Variants in MSRA observed in about 807,000 individuals in gnomAD.
MSRA encodes the protein methionine sulfoxide reductase A.
In MSRA, 54 loss-of-function variants were observed where a neutral mutation model predicts 31.3. That is an observed-to-expected ratio of 1.73 (90% CI 1.39 to 2.17). The LOEUF is 2.17. MSRA is among the 30% of genes most tolerant of loss of function. MSRA has a pLI of 0.00. For synonymous variants in MSRA, 169 were observed against 116.5 expected, an observed-to-expected ratio of 1.45 and a Z score of -2.90; for missense variants, 507 against 300.9, an observed-to-expected ratio of 1.69 and a Z score of -5.07.
intron 5 of MSRA, among the ~76,000 whole-genome samples, chr8:10,417,864 C>T (rs1048461125): frequency 1.3e-5 from 2 of 151,376 alleles, no homozygotes; most frequent in Admixed American, 6.6e-5. Flanking sequence ...AAGTGGTCTC[C>T]GTGCAGAAGG....
At chr8:10,211,650 C>A (rs1247840251) in intron 2 of MSRA, among the ~76,000 whole-genome samples, 2 of 152,136 alleles carry the variant, frequency 1.3e-5, no homozygotes, top group Non-Finnish European at 2.9e-5. Flanking sequence ...CATTGTGCTC[C>A]TTTATAGGCA....
chr8:10,056,981 G>GATT lies in MSRA; in HGVS notation c.142+2325_142+2327dup, dbSNP rs1241127220. On this transcript the variant is annotated intron_variant, in intron 1 of 5. Coordinates refer to ENST00000317173, the MANE Select transcript of MSRA (RefSeq NM_012331.5). ...ATTACCAAATACTTGAGGTGTTAAG[G>GATT]ATTACCATCTTAGCGTTCATCCTAC... Among the ~76,000 whole-genome samples the GATT allele has an allele frequency of 2.0e-5, 3 of 152,246 alleles. No homozygotes were observed. In the East Asian group the frequency reaches 5.8e-4, roughly 29 times the overall value.
At chr8:10,145,375 T>C (rs1258759403) in intron 1 of MSRA, among the ~76,000 whole-genome samples, 2 of 152,214 alleles carry the variant, frequency 1.3e-5, no homozygotes, top group Non-Finnish European at 2.9e-5. Context: ...GAAATGACCG[T>C]ATATGATTTT....
At chr8:10,136,835 G>C (rs151108919) in intron 1 of MSRA, among the ~76,000 whole-genome samples, 83 of 152,222 alleles carry the variant, frequency 5.5e-4, no homozygotes, top group African/African-American at 2.0e-3. Context: ...CCCATTCTTG[G>C]TGTGTCTTTG....
intron 2 of MSRA, among the ~76,000 whole-genome samples, chr8:10,241,902 T>A (rs1266873507): frequency 6.6e-6 from 1 of 152,196 alleles, no homozygotes; most frequent in Non-Finnish European, 1.5e-5. Context: ...TGTGAGAAAC[T>A]GAACAGGTCA....
At chr8:10,223,856 A>C (rs1413680291) in intron 2 of MSRA, among the ~76,000 whole-genome samples, 1 of 152,190 alleles carries the variant, frequency 6.6e-6, no homozygotes, top group Non-Finnish European at 1.5e-5. Context: ...ATCTTACTCA[A>C]AGACCGCCCC....
intron 1 of MSRA, among the ~76,000 whole-genome samples, chr8:10,107,272 T>C (rs1017885425): frequency 1.3e-5 from 2 of 152,118 alleles, no homozygotes; most frequent in Non-Finnish European, 2.9e-5. Context: ...GAGTGTTTTT[T>C]TTTTTAATTT....
At chr8:10,057,394 T>G (rs1802436730) in intron 1 of MSRA, among the ~76,000 whole-genome samples, 1 of 152,202 alleles carries the variant, frequency 6.6e-6, no homozygotes. Flanking sequence ...GTATTGGTAT[T>G]GTATTGTTCA....
chr8:10,273,823 G>A (rs1799171709), intron 3 of MSRA, among the ~76,000 whole-genome samples: 1 of 152,140 alleles, frequency 6.6e-6, no homozygotes, highest in South Asian at 2.1e-4. Flanking sequence ...AGCAGAACCT[G>A]AGAAAGAGAA....
In MSRA at chr8:10,300,648, A is replaced by G. The variant is rs528288139; in HGVS notation, c.332-886A>G. Among the ~76,000 whole-genome samples, 38 of 152,222 alleles carry G rather than the reference A, an allele frequency of 2.5e-4. 1 individual carries two copies. The East Asian group carries it at 5.8e-3, about 23-fold the overall frequency. On this transcript the variant is annotated intron_variant, in intron 3 of 5. Coordinates refer to ENST00000317173, the MANE Select transcript of MSRA (RefSeq NM_012331.5). ...GTGATGCACCCTCCTCGGCCTCTCA[A>G]AGTTCTAGGATTACAGTGAACTGCC...
chr8:10,366,300 A>T (rs1346730017), intron 5 of MSRA, among the ~76,000 whole-genome samples: 2 of 152,214 alleles, frequency 1.3e-5, no homozygotes, highest in Non-Finnish European at 2.9e-5. Flanking sequence ...CTGAATTTAT[A>T]CCAAAGACAC....
chr8:10,401,272 A>C (rs927809387), intron 5 of MSRA, among the ~76,000 whole-genome samples: 4 of 152,254 alleles, frequency 2.6e-5, no homozygotes, highest in Admixed American at 2.6e-4. Context: ...TCTCCAAAGC[A>C]GAAATGCAAA....
chr8:10,184,633 G>A (rs1325143907), intron 1 of MSRA, among the ~76,000 whole-genome samples: 1 of 152,132 alleles, frequency 6.6e-6, no homozygotes, highest in Non-Finnish European at 1.5e-5. Context: ...AGGATGCCTT[G>A]TCTGATGCAT....
chr8:10,159,562 TA>T (rs1351884991), intron 1 of MSRA, among the ~76,000 whole-genome samples: 3 of 152,232 alleles, frequency 2.0e-5, no homozygotes, highest in Admixed American at 6.5e-5. Context: ...GGAATACAGT[TA>T]AAGAACAACA....
chr8:10,419,237 CT>C (rs1808667892), intron 5 of MSRA, among the ~76,000 whole-genome samples: 1 of 152,188 alleles, frequency 6.6e-6, no homozygotes, highest in African/African-American at 2.4e-5. Flanking sequence ...ACTCGGCATC[CT>C]GGGGGCTTCC....
At chr8:10,118,558 T>C (rs1319540791) in intron 1 of MSRA, among the ~76,000 whole-genome samples, 1 of 152,110 alleles carries the variant, frequency 6.6e-6, no homozygotes, top group Non-Finnish European at 1.5e-5. Context: ...CCCAACATTC[T>C]TCAGAACCTG....
chr8:10,154,377 T>A (rs1323894841), intron 1 of MSRA, among the ~76,000 whole-genome samples: 1 of 151,998 alleles, frequency 6.6e-6, no homozygotes, highest in Non-Finnish European at 1.5e-5. Flanking sequence ...TTTTTTTCTT[T>A]TCTTTCTTTC....
At chr8:10,346,048 T>C (rs968373895) in intron 5 of MSRA, among the ~76,000 whole-genome samples, 4 of 151,764 alleles carry the variant, frequency 2.6e-5, no homozygotes, top group African/African-American at 4.8e-5. Context: ...GTATTGTGTT[T>C]ATGTGTACAT....
chr8:10,392,854 G>C (rs1434264480), intron 5 of MSRA, among the ~76,000 whole-genome samples: 1 of 135,038 alleles, frequency 7.4e-6, no homozygotes, highest in Non-Finnish European at 1.5e-5. Flanking sequence ...AGACCATTCT[G>C]GCTAACATGG....
Sources: gnomAD v4.1 joint callset for allele counts (sites outside exome capture counted in the v4.1 genomes callset) on GRCh38, gnomAD v4.1.1 for gene constraint, MANE v1.5 for transcripts, NCBI Gene and HGNC (gene_info 2026-07-23, HGNC 2026-07-21) for gene names.